The following KCNB2 variants were observed in gnomAD, a reference collection of about 807,000 sequenced individuals.
KCNB2 encodes the protein potassium voltage-gated channel subfamily B member 2, also known as delayed rectifier potassium channel protein.
In KCNB2, 15 loss-of-function variants were observed where a neutral mutation model predicts 61.5. That is an observed-to-expected ratio of 0.24 (90% confidence interval 0.16 to 0.38). The LOEUF (loss-of-function observed/expected upper bound fraction) is 0.38. KCNB2 is among the 10% of genes least tolerant of loss of function. KCNB2 has a pLI of 1.00. For synonymous variants in KCNB2, 457 were observed against 446.0 expected (o/e 1.02, Z -0.31); for missense variants, 828 against 1,125.2 (o/e 0.74, Z 3.78).
At chr8:72,790,398 A>G (rs1010364588) in intron 2 of KCNB2, among the ~76,000 whole-genome samples, 4 of 152,200 alleles carry the variant, frequency 2.6e-5, no homozygotes, top group Non-Finnish European at 5.9e-5. Flanking sequence ...TCAACAGGGT[A>G]ACAGGACTCA....
At chr8:72,812,336 A>G (rs1053701564) in intron 2 of KCNB2, among the ~76,000 whole-genome samples, 10 of 151,844 alleles carry the variant, frequency 6.6e-5, no homozygotes, top group African/African-American at 2.4e-4. Flanking sequence ...ATCTAAAAAT[A>G]GTACCAGATT....
intron 2 of KCNB2, among the ~76,000 whole-genome samples, chr8:72,646,424 A>T (rs1447874357): frequency 6.6e-6 from 1 of 152,126 alleles, no homozygotes; most frequent in Non-Finnish European, 1.5e-5. Flanking sequence ...GAACTGAAGG[A>T]TTGGCTCATA....
In KCNB2 at chr8:72,937,548, C is replaced by A; in HGVS notation, c.2193C>A (p.Pro731=). ...ENRGSAPQTP[P]STARPLPVTT... Reference sequence around the variant, plus strand: ...GAGGCAGTGCACCACAGACCCCGCCCAGCACAGCCAGGCCACTGCCAGTCA... The same window carrying A: ...GAGGCAGTGCACCACAGACCCCGCCAAGCACAGCCAGGCCACTGCCAGTCA... The change falls in exon 3 of 3, where the codon CCC becomes CCA. Residue 731 remains proline (P), a synonymous_variant. Transcript: ENST00000523207. 1 of 1,613,992 alleles carries A rather than the reference C, an allele frequency of 6.2e-7. No homozygotes were observed. The highest frequency in any genetic ancestry group is 8.5e-7 in the Non-Finnish European group (1 of 1,179,988).
intron 2 of KCNB2, among the ~76,000 whole-genome samples, chr8:72,682,196 T>G (rs1467506732): frequency 6.6e-6 from 1 of 152,134 alleles, no homozygotes; most frequent in East Asian, 1.9e-4. Context: ...CATTATACTG[T>G]GTTCAGGTCA....
intron 2 of KCNB2, among the ~76,000 whole-genome samples, chr8:72,733,576 T>C (rs1437781196): frequency 1.3e-5 from 2 of 152,168 alleles, no homozygotes; most frequent in Non-Finnish European, 2.9e-5. Flanking sequence ...GACTGTAATA[T>C]AGGACTGTCA....
At chr8:72,773,693 A>G (rs764996079) in intron 2 of KCNB2, among the ~76,000 whole-genome samples, 1 of 152,218 alleles carries the variant, frequency 6.6e-6, no homozygotes, top group Non-Finnish European at 1.5e-5. Context: ...CTGTGATGTT[A>G]AGTAAAATCT....
At chr8:72,788,812 G>A (rs898733396) in intron 2 of KCNB2, among the ~76,000 whole-genome samples, 5 of 152,112 alleles carry the variant, frequency 3.3e-5, no homozygotes, top group African/African-American at 1.2e-4. Flanking sequence ...TTATAGATGA[G>A]CCCATCATCT....
chr8:72,610,385 A>G (rs183706938), intron 2 of KCNB2, among the ~76,000 whole-genome samples: 1 of 152,224 alleles, frequency 6.6e-6, no homozygotes, highest in African/African-American at 2.4e-5. Flanking sequence ...CAATGGAATT[A>G]GGATAACATG....
chr8:72,883,901 G>C (rs941176962), intron 2 of KCNB2, among the ~76,000 whole-genome samples: 2 of 152,066 alleles, frequency 1.3e-5, no homozygotes, highest in African/African-American at 4.8e-5. Context: ...TACTACATCT[G>C]TCTCCCTACA....
chr8:72,890,388 C>T (rs1805878002), intron 2 of KCNB2, among the ~76,000 whole-genome samples: 1 of 152,144 alleles, frequency 6.6e-6, no homozygotes. Flanking sequence ...TAAGTCTCAG[C>T]CCCGAACAAA....
intron 2 of KCNB2, among the ~76,000 whole-genome samples, chr8:72,933,777 A>G (rs1806841268): frequency 6.6e-6 from 1 of 152,180 alleles, no homozygotes; most frequent in Admixed American, 6.5e-5. Flanking sequence ...ATTTATCTAA[A>G]TCTTCTCAAG....
chr8:72,734,224 T>C (rs1194417640), intron 2 of KCNB2, among the ~76,000 whole-genome samples: 1 of 152,220 alleles, frequency 6.6e-6, no homozygotes, highest in Non-Finnish European at 1.5e-5. Context: ...TGCTTCATAT[T>C]GTCAGCCTAG....
chr8:72,830,842 T>C (rs1194484165), intron 2 of KCNB2, among the ~76,000 whole-genome samples: 1 of 152,206 alleles, frequency 6.6e-6, no homozygotes, highest in Non-Finnish European at 1.5e-5. Flanking sequence ...AATAAAACTT[T>C]GAGTGACACG....
chr8:72,679,472 A>G (rs764390435), intron 2 of KCNB2, among the ~76,000 whole-genome samples: 2 of 152,214 alleles, frequency 1.3e-5, no homozygotes, highest in African/African-American at 2.4e-5. Flanking sequence ...TTCCACTGAA[A>G]TACTTCAAAT....
chr8:72,853,421 G>A (rs368549252), intron 2 of KCNB2, among the ~76,000 whole-genome samples: 5 of 152,202 alleles, frequency 3.3e-5, no homozygotes, highest in East Asian at 1.9e-4. Context: ...TTCCTTCATC[G>A]CTTTTTCCCC....
intron 2 of KCNB2, among the ~76,000 whole-genome samples, chr8:72,885,327 G>A (rs1216063396): frequency 3.3e-5 from 5 of 151,996 alleles, no homozygotes; most frequent in Non-Finnish European, 7.4e-5. Context: ...AGATGAGTTA[G>A]GTAGCTTTCT....
chr8:72,673,617 A>T (rs1312652040), intron 2 of KCNB2, among the ~76,000 whole-genome samples: 1 of 152,218 alleles, frequency 6.6e-6, no homozygotes, highest in Non-Finnish European at 1.5e-5. Context: ...TCAGACTTTA[A>T]AAGTCATGAC....
chr8:72,592,453 CTGTGTG>C (rs10676983), intron 2 of KCNB2, among the ~76,000 whole-genome samples: 2 of 149,578 alleles, frequency 1.3e-5, no homozygotes, highest in African/African-American at 4.9e-5. Flanking sequence ...ATTATCAACT[CTGTGTG>C]TGTGTGTGTG....
At chr8:72,569,227 T>TGTGCGTAATGGATGAAAATGGA in intron 2 of KCNB2, among the ~76,000 whole-genome samples, 1 of 152,228 alleles carries the variant, frequency 6.6e-6, no homozygotes, top group East Asian at 1.9e-4. Context: ...ATTGACATTT[T>TGTGCGTAATGGATGAAAATGGA]GTGCGTAATG....
Sources: allele counts gnomAD v4.1 joint callset (sites outside exome capture counted in the v4.1 genomes callset), GRCh38; gene constraint gnomAD v4.1.1; transcripts MANE v1.5; gene names NCBI Gene and HGNC (gene_info 2026-07-23, HGNC 2026-07-21).